The following DPP10 variants were observed in gnomAD, a reference collection of about 807,000 sequenced individuals.
The protein encoded by DPP10 is inactive dipeptidyl peptidase 10.
In DPP10, 33 loss-of-function variants were observed where a neutral mutation model predicts 120.9. That is an observed-to-expected ratio of 0.27 (90% CI 0.21 to 0.37). DPP10 has a LOEUF of 0.37. DPP10 is among the 10% of genes least tolerant of loss of function. The pLI is 1.00. For missense variants in DPP10, 816 were observed against 942.8 expected, an observed-to-expected ratio of 0.87 and a Z score of 1.76; for synonymous variants, 337 against 326.1, an observed-to-expected ratio of 1.03 and a Z score of -0.36.
chr2:115,364,848 A>C (rs1039121164), intron 3 of DPP10, among the ~76,000 whole-genome samples: 1 of 152,106 alleles, frequency 6.6e-6, no homozygotes, highest in Non-Finnish European at 1.5e-5. Flanking sequence ...GAAGATTGAC[A>C]CAATTGTGAA....
chr2:115,143,072 T>G (rs942274836), intron 1 of DPP10, among the ~76,000 whole-genome samples: 42 of 152,200 alleles, frequency 2.8e-4, no homozygotes, highest in African/African-American at 1.0e-3. Flanking sequence ...TTCATTGACC[T>G]TTTCATTCTG....
rs1030975706 is a variant in DPP10 at position 114,917,212 on chromosome 2, G to A, written c.61-392027G>A. 5.9e-5 allele frequency among the ~76,000 whole-genome samples: 9 copies of A among 152,016 alleles called. No homozygotes were observed. The East Asian group carries it at 9.7e-4, about 16-fold the overall frequency. ...ACAGCCAAATTAAGAACCCAATCCCGTTCACAGTCCTCACCAAAAGAATAA... is the reference window on the plus strand; with the variant it reads ...ACAGCCAAATTAAGAACCCAATCCCATTCACAGTCCTCACCAAAAGAATAA... On this transcript the variant is annotated intron_variant, in intron 1 of 25. Transcript: ENST00000410059.
intron 1 of DPP10, among the ~76,000 whole-genome samples, chr2:115,200,207 G>A (rs866018585): frequency 2.6e-5 from 4 of 152,158 alleles, no homozygotes; most frequent in Non-Finnish European, 5.9e-5. Flanking sequence ...CAGATGGTTC[G>A]GTTGGGCGTC....
At chr2:115,769,687 AAAATTT>A (rs1334863210) in intron 13 of DPP10, among the ~76,000 whole-genome samples, 2 of 151,986 alleles carry the variant, frequency 1.3e-5, no homozygotes, top group Admixed American at 1.3e-4. Context: ...ATAGATGAAT[AAAATTT>A]TGGATGTTTT....
chr2:114,958,631 G>T (rs1480461073), intron 1 of DPP10, among the ~76,000 whole-genome samples: 1 of 151,960 alleles, frequency 6.6e-6, no homozygotes, highest in Non-Finnish European at 1.5e-5. Context: ...ACATCATATT[G>T]TACCCCCAAA....
intron 4 of DPP10, among the ~76,000 whole-genome samples, chr2:115,509,689 C>CACAAA (rs913632378): frequency 1.5e-4 from 23 of 152,016 alleles, no homozygotes; most frequent in South Asian, 1.0e-3. Context: ...AACAAAAGAA[C>CACAAA]ACAAAACAAA....
At chr2:115,210,133 T>G (rs983558851) in intron 1 of DPP10, among the ~76,000 whole-genome samples, 4 of 152,124 alleles carry the variant, frequency 2.6e-5, no homozygotes, top group African/African-American at 9.7e-5. Context: ...AACTCGTCAT[T>G]TACATTAGGT....
chr2:115,690,322 TAA>T (rs961682286), intron 7 of DPP10, among the ~76,000 whole-genome samples: 13 of 152,290 alleles, frequency 8.5e-5, no homozygotes, highest in South Asian at 2.1e-4. Context: ...AATATTCTCT[TAA>T]GAGAGGATTT....
chr2:115,017,295 A>G (rs186880618), intron 1 of DPP10, among the ~76,000 whole-genome samples: 1 of 152,266 alleles, frequency 6.6e-6, no homozygotes. Context: ...AATCAAAACC[A>G]AAATGAGATA....
At chr2:114,998,067 ACT>A (rs1701211307) in intron 1 of DPP10, among the ~76,000 whole-genome samples, 1 of 152,110 alleles carries the variant, frequency 6.6e-6, no homozygotes, top group Non-Finnish European at 1.5e-5. Context: ...ATGATTTCTC[ACT>A]CTGAATTTAT....
intron 1 of DPP10, among the ~76,000 whole-genome samples, chr2:114,512,903 G>A (rs1022837221): frequency 6.6e-6 from 1 of 152,162 alleles, no homozygotes; most frequent in South Asian, 2.1e-4. Flanking sequence ...TGCTGTAGAG[G>A]AAAGATTAGA....
At chr2:115,006,387 T>C (rs1246383456) in intron 1 of DPP10, among the ~76,000 whole-genome samples, 1 of 151,528 alleles carries the variant, frequency 6.6e-6, no homozygotes, top group East Asian at 2.0e-4. Context: ...TAAATGTAAA[T>C]GGACTAAATG....
chr2:115,414,076 A>G (rs557683626), intron 3 of DPP10, among the ~76,000 whole-genome samples: 189 of 152,268 alleles, frequency 1.2e-3, no homozygotes, highest in African/African-American at 4.4e-3. Context: ...CTCTTAATAC[A>G]AACCTGATTC....
intron 1 of DPP10, among the ~76,000 whole-genome samples, chr2:115,063,289 C>T (rs1373623127): frequency 2.6e-5 from 4 of 152,084 alleles, no homozygotes; most frequent in Non-Finnish European, 5.9e-5. Context: ...GGATATTAGG[C>T]CTTTGTCAGA....
At chr2:114,797,029 G>C (rs1361479847) in intron 1 of DPP10, among the ~76,000 whole-genome samples, 1 of 152,132 alleles carries the variant, frequency 6.6e-6, no homozygotes, top group East Asian at 1.9e-4. Context: ...TACATAAGAG[G>C]ATAAAAGAGA....
At position 115,446,959 on chromosome 2, in the gene DPP10, G is replaced by A. The variant is rs2072655086; in HGVS notation, c.272-52551G>A. On this transcript the variant is annotated intron_variant, in intron 3 of 25. Coordinates refer to ENST00000410059, the MANE Select transcript of DPP10 (RefSeq NM_020868.6). ...ACTTAAAACAGTGGTATTTGACCAG[G>A]ATGACAGTGCTCTTGCTCTATCACC... Among the ~76,000 whole-genome samples, 3 of 152,180 alleles carry A rather than the reference G, an allele frequency of 2.0e-5. No individual in the cohort carries two copies. The South Asian group carries it at 6.2e-4, about 31-fold the overall frequency.
intron 1 of DPP10, among the ~76,000 whole-genome samples, chr2:114,804,884 A>G (rs1684585753): frequency 6.6e-6 from 1 of 152,124 alleles, no homozygotes; most frequent in Non-Finnish European, 1.5e-5. Context: ...ATGTGGGGAC[A>G]TGAGATTTGG....
At chr2:115,450,082 A>T (rs1274040146) in intron 3 of DPP10, among the ~76,000 whole-genome samples, 1 of 151,958 alleles carries the variant, frequency 6.6e-6, no homozygotes, top group African/African-American at 2.4e-5. Flanking sequence ...TGGTGAGTTT[A>T]TGTCCCAATT....
chr2:115,250,986 C>A (rs897837224), intron 1 of DPP10, among the ~76,000 whole-genome samples: 2 of 152,114 alleles, frequency 1.3e-5, no homozygotes, highest in Admixed American at 1.3e-4. Context: ...AAGTAAGAGT[C>A]AGATTTTTTG....
Sources: gnomAD v4.1 joint callset for allele counts (sites outside exome capture counted in the v4.1 genomes callset) on GRCh38, gnomAD v4.1.1 for gene constraint, MANE v1.5 for transcripts, NCBI Gene and HGNC (gene_info 2026-07-23, HGNC 2026-07-21) for gene names.